The following KDM6A variants were observed in gnomAD, a reference collection of about 807,000 sequenced individuals.
KDM6A encodes lysine-specific demethylase 6A.
KDM6A carries 11 observed loss-of-function variants against 117.6 expected under a neutral mutation model. The observed-to-expected ratio is 0.09, with a 90% CI of 0.06 to 0.15. KDM6A has a LOEUF of 0.15. KDM6A is among the 10% of genes least tolerant of loss of function. The probability of loss-of-function intolerance (pLI) is 1.00; values close to 1 mark genes in which losing one functional copy is unlikely to be tolerated. For synonymous variants in KDM6A, 384 were observed against 396.1 expected (o/e 0.97, Z 0.36); for missense variants, 799 against 1,077.3 (o/e 0.74, Z 3.62).
In KDM6A at chrX:44,986,017, C is replaced by T. The variant is rs772164997; in HGVS notation, c.384+11302C>T. Reference sequence around the variant, plus strand: ...TCGTCCTTGTACCTCTGGTAGAATTCGGCTGTGAATCCATCTGGTCCTGGA... The same window carrying T: ...TCGTCCTTGTACCTCTGGTAGAATTTGGCTGTGAATCCATCTGGTCCTGGA... On this transcript the variant is annotated intron_variant, in intron 4 of 29. Transcript: ENST00000611820. Among the ~76,000 whole-genome samples the T allele has an allele frequency of 6.0e-3, 674 of 111,536 alleles. 4 individuals are homozygous for T. Among genetic ancestry groups the T allele is most frequent in the Non-Finnish European group, 9.7e-3 (513 of 53,069 alleles).
chrX:44,931,181 C>G (rs1408283981), intron 2 of KDM6A, among the ~76,000 whole-genome samples: 1 of 111,334 alleles, frequency 9.0e-6, no homozygotes, highest in Non-Finnish European at 1.9e-5. Flanking sequence ...TCTCCTGCCT[C>G]AGCCTCCTGA....
At chrX:44,969,411 CTTTTTTTTTTTT>C (rs11288771) in intron 3 of KDM6A, among the ~76,000 whole-genome samples, 6 of 35,982 alleles carry the variant, frequency 1.7e-4, no homozygotes, top group African/African-American at 5.2e-4. Flanking sequence ...CTCTTTTTAT[CTTTTTTTTTTTT>C]TTTTTTTTTT....
chrX:44,952,117 A>G (rs968501917), intron 2 of KDM6A, among the ~76,000 whole-genome samples: 2 of 111,653 alleles, frequency 1.8e-5, no homozygotes, highest in African/African-American at 3.3e-5. Context: ...TTTGAAAAGA[A>G]TGGTTCTTAA....
At chrX:44,909,322 G>T (rs756977510) in intron 2 of KDM6A, among the ~76,000 whole-genome samples, 1 of 111,545 alleles carries the variant, frequency 9.0e-6, no homozygotes, top group Non-Finnish European at 1.9e-5. Flanking sequence ...GTATTCCGGC[G>T]TTCAAATACA....
intron 4 of KDM6A, among the ~76,000 whole-genome samples, chrX:44,978,663 T>C (rs941421165): frequency 3.6e-5 from 4 of 112,182 alleles, no homozygotes; most frequent in Non-Finnish European, 7.5e-5. Context: ...TTATTTGAGA[T>C]TTGACAACTT....
At chrX:45,009,806 A>C (rs989962825) in intron 4 of KDM6A, among the ~76,000 whole-genome samples, 1 of 111,584 alleles carries the variant, frequency 9.0e-6, no homozygotes, top group Non-Finnish European at 1.9e-5. Context: ...CTAGAGTCAT[A>C]ATCAGCTCCA....
intron 27 of KDM6A, among the ~76,000 whole-genome samples, chrX:45,097,783 C>T (rs912366140): frequency 8.9e-6 from 1 of 111,812 alleles, no homozygotes; most frequent in Non-Finnish European, 1.9e-5. Context: ...CCCTGTGATT[C>T]CATAAAGTTC....
At chrX:44,980,366 T>A (rs2039840270) in intron 4 of KDM6A, among the ~76,000 whole-genome samples, 1 of 111,293 alleles carries the variant, frequency 9.0e-6, no homozygotes, top group Admixed American at 9.6e-5. Flanking sequence ...GCATATAAAG[T>A]GCAGAAACGG....
intron 2 of KDM6A, among the ~76,000 whole-genome samples, chrX:44,917,833 A>T (rs1021719344): frequency 8.9e-6 from 1 of 112,151 alleles, no homozygotes; most frequent in African/African-American, 3.2e-5. Flanking sequence ...TTGGGGTTTT[A>T]TTTTTAATCT....
At chrX:44,984,635 G>A (rs374730477) in intron 4 of KDM6A, among the ~76,000 whole-genome samples, 1 of 111,682 alleles carries the variant, frequency 9.0e-6, no homozygotes, top group Non-Finnish European at 1.9e-5. Context: ...CATATGGCTA[G>A]CCAGTTTTCC....
chrX:44,989,744 T>A (rs898583580), intron 4 of KDM6A, among the ~76,000 whole-genome samples: 5 of 111,313 alleles, frequency 4.5e-5, no homozygotes, highest in African/African-American at 1.3e-4. Flanking sequence ...AGTGGGAGTT[T>A]TCAAGATACA....
At chrX:44,954,245 C>T (rs1239380520) in intron 2 of KDM6A, among the ~76,000 whole-genome samples, 4 of 110,519 alleles carry the variant, frequency 3.6e-5, no homozygotes, top group Non-Finnish European at 7.6e-5. Context: ...GCCGAATACC[C>T]GCAAACAGGA....
chrX:44,873,761 G>A (rs1212854370), intron 1 of KDM6A, 49 bp downstream of exon 1: 1 of 1,154,616 alleles, frequency 8.7e-7, no homozygotes, highest in African/African-American at 1.8e-5. Flanking sequence ...GGCAGTAGCC[G>A]CTCTCCCGGG....
chrX:44,983,479 T>C (rs1459590357), intron 4 of KDM6A, among the ~76,000 whole-genome samples: 2 of 110,784 alleles, frequency 1.8e-5, no homozygotes, highest in African/African-American at 6.6e-5. Context: ...TAGTTACATA[T>C]GTATACATGT....
At chrX:45,056,129 A>T (rs1439773283) in intron 10 of KDM6A, among the ~76,000 whole-genome samples, 1 of 111,628 alleles carries the variant, frequency 9.0e-6, no homozygotes. Flanking sequence ...AATAAAGGAT[A>T]CTTATCACAA....
chrX:45,108,343 G>A (rs1309056475), intron 28 of KDM6A, among the ~76,000 whole-genome samples: 2 of 111,882 alleles, frequency 1.8e-5, no homozygotes, highest in Non-Finnish European at 1.9e-5. Context: ...AGTCTAGGTG[G>A]CATTTAATTT....
In KDM6A at chrX:45,057,289, T is replaced by C. The variant is rs182730434; in HGVS notation, c.876-1717T>C. 3.4e-3 allele frequency among the ~76,000 whole-genome samples: 376 copies of C among 111,949 alleles called. 1 individual carries two copies. The highest frequency in any genetic ancestry group is 0.011 in the African/African-American group (353 of 30,943). ...ATTTCAAACCATGTTCACCATATTC[T>C]TCCCCAGACCAGCTCTTTTCTCCTT... On this transcript the variant is annotated intron_variant, in intron 10 of 29. Transcript: ENST00000611820.
intron 2 of KDM6A, among the ~76,000 whole-genome samples, chrX:44,884,447 T>G (rs1204919990): frequency 1.8e-5 from 2 of 111,779 alleles, no homozygotes; most frequent in East Asian, 5.6e-4. Flanking sequence ...TACCACTTAC[T>G]AGATGTGTGA....
intron 4 of KDM6A, among the ~76,000 whole-genome samples, chrX:44,988,822 G>A (rs2040399895): frequency 9.0e-6 from 1 of 110,960 alleles, no homozygotes; most frequent in Admixed American, 9.6e-5. Context: ...TGCCCCTACT[G>A]GGTGGTGCCT....
Sources: allele counts gnomAD v4.1 joint callset (sites outside exome capture counted in the v4.1 genomes callset), GRCh38; gene constraint gnomAD v4.1.1; transcripts MANE v1.5; gene names NCBI Gene and HGNC (gene_info 2026-07-23, HGNC 2026-07-21).